Variants in ANKLE2 observed in about 807,000 individuals in gnomAD.
The protein encoded by ANKLE2 is ankyrin repeat and LEM domain-containing protein 2.
Under a neutral mutation model 84.2 loss-of-function variants are expected in ANKLE2, and 55 were observed. That is an observed-to-expected ratio of 0.65 (90% CI 0.53 to 0.82). The LOEUF is 0.82. Among genes scored for constraint, ANKLE2 ranks in the 40% least tolerant of loss-of-function variants. The probability of loss-of-function intolerance (pLI) is 0.00; values close to 1 mark genes in which losing one functional copy is unlikely to be tolerated. For missense variants in ANKLE2, 1,238 were observed against 1,201.9 expected (o/e 1.03, Z -0.44); for synonymous variants, 551 against 486.1 (o/e 1.13, Z -1.76).
intron 7 of ANKLE2, 59 bp from the exon 8 acceptor site, chr12:132,737,124 G>T: frequency 1.3e-6 from 2 of 1,522,430 alleles, no homozygotes; most frequent in Non-Finnish European, 1.8e-6. Flanking sequence ...GTCAGGCCTG[G>T]GTGAGCAGGA....
At chr12:132,741,754 G>C (rs1314644321) in intron 6 of ANKLE2, 1 of 590,070 alleles carries the variant, frequency 1.7e-6, no homozygotes, top group Non-Finnish European at 3.2e-6. Context: ...TGCAAGGAGA[G>C]GAAAAGGTAC....
chr12:132,725,851 T>G lies in ANKLE2; in HGVS notation c.*1391A>C, dbSNP rs1038302517. On this transcript the variant is annotated 3_prime_UTR_variant, in exon 13 of 13. Coordinates refer to ENST00000357997, the MANE Select transcript of ANKLE2 (RefSeq NM_015114.3). ...GTGTTGTTTCTGTCTGGGATCTAGA[T>G]CTTGTCTGCTACAAAACAAATGAAC... The G allele has an allele frequency of 6.6e-6, 1 of 152,232 alleles. No homozygotes were observed. Among genetic ancestry groups the G allele is most frequent in the Non-Finnish European group, 1.5e-5 (1 of 68,040 alleles). 9.4% of individuals were successfully genotyped at this position (152,232 alleles called of 1,614,324 possible). A position where few individuals can be genotyped will look rare whatever the true frequency, so the allele number is the denominator to read the frequency against.
Position 132,729,829 on chromosome 12 carries a change from G to A in ANKLE2, c.2333C>T (p.Ser778Phe). ...NAVERDLLEP[S>F]PADQLGNGHR... ...GCCATTCCCGAGTTGGTCTGCGGGA[G>A]AAGGCTCTAACAAGTCTCTTTCTAC... Residue 778 changes from serine to phenylalanine, a missense_variant, in exon 11 of 13, where the codon TCT becomes TTT. This residue lies in a region of ANKLE2 where 802 missense variants were observed against 774.5 expected (regional missense o/e 1.04). Coordinates refer to ENST00000357997, the MANE Select transcript of ANKLE2 (RefSeq NM_015114.3). The A allele has an allele frequency of 6.2e-7, 1 of 1,613,468 alleles. No homozygotes were observed. The highest frequency in any genetic ancestry group is 8.5e-7 in the Non-Finnish European group (1 of 1,179,800).
chr12:132,729,856 G>A lies in ANKLE2; in HGVS notation c.2306C>T (p.Ala769Val), dbSNP rs1308821347. Residue 769 changes from alanine (A) to valine (V), a missense_variant, in exon 11 of 13, where the codon GCA becomes GTA. Physicochemically the swap from Ala to Val is moderately conservative, Grantham distance 64. Around this residue, in one of 3 missense-constraint regions of ANKLE2, gnomAD observed 802 missense variants for 774.5 expected, o/e 1.04. Transcript: ENST00000357997. ...AGGCTCTAACAAGTCTCTTTCTACT[G>A]CATTGATTCTTGAAGTCAGGATCTG... is the stretch of plus-strand genomic sequence containing the variant. ...KDQILTSRIN[A>V]VERDLLEPSP... 1 of 1,613,620 alleles carries A rather than the reference G, an allele frequency of 6.2e-7. No homozygotes were observed. The highest frequency in any genetic ancestry group is 2.2e-5 in the East Asian group (1 of 44,826).
Position 132,737,085 on chromosome 12 carries a change from C to G in ANKLE2, c.1421-20G>C, listed in dbSNP as rs1383251863. 1.3e-6 allele frequency: 2 copies of G among 1,576,278 alleles called. No homozygotes were observed. The highest frequency in any genetic ancestry group is 1.7e-5 in the Admixed American group (1 of 57,692). The stretch of plus-strand genomic sequence containing the variant: ...AGTGGCCTGAGGGAGGAGACAGGCA[C>G]TGGCTGCAGGCTTCCGCCCCCTCCG... On this transcript the variant is annotated intron_variant, in intron 7 of 12. Coordinates refer to ENST00000357997, the MANE Select transcript of ANKLE2 (RefSeq NM_015114.3).
chr12:132,749,328 G>T lies in ANKLE2; in HGVS notation c.848-997C>A, dbSNP rs535148494. 2.0e-5 allele frequency among the ~76,000 whole-genome samples: 3 copies of T among 151,660 alleles called. No homozygotes were observed. In the East Asian group the frequency reaches 5.9e-4, roughly 30 times the overall value. On this transcript the variant is annotated intron_variant, in intron 3 of 12. Transcript: ENST00000357997. Reference sequence around the variant, plus strand: ...CTGCCACCACGGCCAGCTAATTTTCGTATTTTTAATAGAGACGGGGTTTCA... The same window carrying T: ...CTGCCACCACGGCCAGCTAATTTTCTTATTTTTAATAGAGACGGGGTTTCA...
chr12:132,734,250 A>G, intron 10 of ANKLE2, 135 bp downstream of exon 10: 1 of 1,000,790 alleles, frequency 1.0e-6, no homozygotes, highest in South Asian at 1.5e-5. Context: ...GTCTCAAAAA[A>G]TACTAACCTA....
intron 2 of ANKLE2, among the ~76,000 whole-genome samples, chr12:132,753,237 T>C (rs1187902311): frequency 5.9e-5 from 9 of 151,732 alleles, no homozygotes; most frequent in Non-Finnish European, 1.2e-4. Context: ...GGAGGACTCC[T>C]TGAGCCTGGT....
intron 2 of ANKLE2, among the ~76,000 whole-genome samples, chr12:132,754,371 G>A (rs2044429597): frequency 6.6e-6 from 1 of 152,284 alleles, no homozygotes; most frequent in East Asian, 1.9e-4. Context: ...ATTTTAAAAA[G>A]GCGGAGATGA....
At position 132,728,122 on chromosome 12, in the gene ANKLE2, A is replaced by T; in HGVS notation, c.2525T>A (p.Leu842His). 6.2e-7 allele frequency: 1 copy of T among 1,613,024 alleles called. No homozygotes were observed. Among genetic ancestry groups the T allele is most frequent in the African/African-American group, 1.3e-5 (1 of 75,058 alleles). The change falls in exon 12 of 13, where the codon CTT (leucine) becomes CAT (histidine). Residue 842 changes from leucine to histidine, a missense_variant. By Grantham distance (99) the Leu-to-His change is moderately conservative. This residue lies in a region of ANKLE2 where 802 missense variants were observed against 774.5 expected (regional missense o/e 1.04). Transcript: ENST00000357997. The part of the protein sequence containing the change: ...SKLDQDVLAA[L>H]ECADVDPHQF... Reference sequence around the variant, plus strand: ...ATGGGGGTCGACGTCTGCACATTCAAGAGCGGCCAAAACATCCTGATCGAG... The same window carrying T: ...ATGGGGGTCGACGTCTGCACATTCATGAGCGGCCAAAACATCCTGATCGAG...
intron 5 of ANKLE2, among the ~76,000 whole-genome samples, chr12:132,746,548 G>A (rs1200546774): frequency 1.3e-5 from 2 of 152,022 alleles, no homozygotes; most frequent in Non-Finnish European, 2.9e-5. Context: ...CCCACAGAAA[G>A]TAAACTGAAT....
rs377362050 is a variant in ANKLE2 at position 132,734,498 on chromosome 12, T to A, written c.1778A>T (p.Gln593Leu). The change falls in exon 10 of 13, where the codon CAG (glutamine) becomes CTG (leucine). Residue 593 changes from glutamine to leucine, a missense_variant. Gln to Leu is a moderately radical substitution (Grantham distance 113). Around this residue, in one of 3 missense-constraint regions of ANKLE2, gnomAD observed 802 missense variants for 774.5 expected, o/e 1.04. Coordinates refer to ENST00000357997, the MANE Select transcript of ANKLE2 (RefSeq NM_015114.3). ...FLGCFVDLSS[Q>L]EGLQRLEEYL... ...TTCTTCTAGTCTTTGCAGGCCTTCC[T>A]GGGAAGACAGATCAACAAAACAGCC... 1.2e-5 allele frequency: 19 copies of A among 1,614,112 alleles called. No homozygotes were observed. Among genetic ancestry groups the A allele is most frequent in the Non-Finnish European group, 1.6e-5 (19 of 1,180,016 alleles).
At chr12:132,732,235 C>T (rs1410102425) in intron 10 of ANKLE2, 2 of 112,858 alleles carry the variant, frequency 1.8e-5, no homozygotes, top group African/African-American at 7.3e-5. Context: ...AAGTGCTCTG[C>T]ATCCTGGTGT....
At chr12:132,735,071 G>C in intron 9 of ANKLE2, 1 of 324,940 alleles carries the variant, frequency 3.1e-6, no homozygotes, top group Non-Finnish European at 5.6e-6. Flanking sequence ...TAGCTTTGTG[G>C]CTATGGCCTA....
At chr12:132,733,291 T>C (rs2043929592) in intron 10 of ANKLE2, among the ~76,000 whole-genome samples, 1 of 144,794 alleles carries the variant, frequency 6.9e-6, no homozygotes, top group Non-Finnish European at 1.5e-5. Flanking sequence ...TGAAGCTCTC[T>C]GCGTCCTGGT....
Position 132,729,993 on chromosome 12 carries a change from T to C in ANKLE2, c.2169A>G (p.Glu723=), listed in dbSNP as rs746248008. The C allele has an allele frequency of 3.7e-6, 6 of 1,613,394 alleles. 1 individual carries two copies. The South Asian group carries it at 4.4e-5, about 12-fold the overall frequency. ...GKRPKAPRGE[E]AHLPPVSDLT... is the part of the protein sequence containing the mutation. ...AATCCGAGACAGGTGGCAGATGGGC[T>C]TCCTCCCCACGGGGGGCCTTTGGTC... The change falls in exon 11 of 13, where the codon GAA becomes GAG. Residue 723 remains glutamate (E), a synonymous_variant. Coordinates refer to ENST00000357997, the MANE Select transcript of ANKLE2 (RefSeq NM_015114.3).
intron 7 of ANKLE2, 64 bp downstream of exon 7, chr12:132,741,355 C>G: frequency 6.5e-7 from 1 of 1,539,014 alleles, no homozygotes; most frequent in Non-Finnish European, 9.0e-7. Context: ...TGCTGTGTCC[C>G]CCAACGCTCC....
At position 132,734,423 on chromosome 12, in the gene ANKLE2, TCTC is replaced by T; in HGVS notation, c.1850_1852del (p.Gly617del). ...TTTATCTCGGCAGGAGGCTTCCCGTTCTCCTGTTTCTTGTTGAGCCTTTTTGCC... is the reference window on the plus strand; with the variant it reads ...TTTATCTCGGCAGGAGGCTTCCCGTTCTGTTTCTTGTTGAGCCTTTTTGCC... On this transcript the variant is annotated inframe_deletion, in exon 10 of 13. Coordinates refer to ENST00000357997, the MANE Select transcript of ANKLE2 (RefSeq NM_015114.3). 1 of 1,614,150 alleles carries T rather than the reference TCTC, an allele frequency of 6.2e-7. No individual in the cohort carries two copies. Among genetic ancestry groups the T allele is most frequent in the Non-Finnish European group, 8.5e-7 (1 of 1,180,020 alleles).
chr12:132,729,067 TGGAG>T (rs2043768229), intron 11 of ANKLE2, among the ~76,000 whole-genome samples: 1 of 151,738 alleles, frequency 6.6e-6, no homozygotes, highest in Admixed American at 6.6e-5. Context: ...AAAGCTTGTG[TGGAG>T]GCCGGGTGCG....
Sources: allele counts gnomAD v4.1 joint callset (sites outside exome capture counted in the v4.1 genomes callset), GRCh38; gene constraint gnomAD v4.1.1; regional missense constraint gnomAD v4.1.1; transcripts MANE v1.5; gene names NCBI Gene and HGNC (gene_info 2026-07-23, HGNC 2026-07-21).